ACO2: variants seen among roughly 807,000 people sequenced by gnomAD.
ACO2 encodes the protein aconitase 2, also known as aconitate hydratase, mitochondrial.
ACO2 carries 31 observed loss-of-function variants against 84.5 expected under a neutral mutation model. The ratio of observed to expected loss-of-function variants is 0.37; its 90% CI spans 0.28 to 0.50. The LOEUF is 0.50. ACO2 is among the 20% of genes least tolerant of loss of function. ACO2 has a pLI of 0.97. For missense variants in ACO2, 685 were observed against 1,029.3 expected (o/e 0.67, Z 4.58); for synonymous variants, 414 against 412.7 (o/e 1.00, Z -0.04).
At chr22:41,472,253 T>G (rs1351928043) in intron 1 of ACO2, among the ~76,000 whole-genome samples, 2 of 151,136 alleles carry the variant, frequency 1.3e-5, no homozygotes, top group Non-Finnish European at 2.9e-5. Context: ...CTCGGGAGGC[T>G]GAGGCAGAAG....
At position 41,518,412 on chromosome 22, in the gene ACO2, G is replaced by A; in HGVS notation, c.941-69G>A. 3 of 1,218,096 alleles carry A rather than the reference G, an allele frequency of 2.5e-6. No individual in the cohort carries two copies. In the Admixed American group the frequency reaches 5.1e-5, roughly 21 times the overall value. 75.5% of individuals were successfully genotyped at this position (1,218,096 alleles called of 1,614,324 possible). ...CTGGTGTTTGGCAGGTGCTCAGGTG[G>A]GTGGTGAGTGAACTCTCAAGAACAG... On this transcript the variant is annotated intron_variant, in intron 7 of 17. Transcript: ENST00000216254.
chr22:41,469,298 C>T (rs2037909538), intron 1 of ACO2, 116 bp downstream of exon 1: 4 of 1,305,762 alleles, frequency 3.1e-6, no homozygotes, highest in African/African-American at 1.5e-5. Flanking sequence ...TCTCGTGTAC[C>T]TGTCCCGGTT....
Position 41,526,431 on chromosome 22 carries a change from C to G in ACO2, c.1931C>G (p.Pro644Arg). 6.2e-7 allele frequency: 1 copy of G among 1,613,412 alleles called. No individual in the cohort carries two copies. The highest frequency in any genetic ancestry group is 8.5e-7 in the Non-Finnish European group (1 of 1,179,652). The change falls in exon 15 of 18, where the codon CCT becomes CGT. Residue 644 changes from proline to arginine, a missense_variant. Transcript: ENST00000216254. Reference sequence around the variant, plus strand: ...GTCACTCAGGAGTTTGGCCCCGTCCCTGACACTGCCCGCTACTACAAGGTG... The same window carrying G: ...GTCACTCAGGAGTTTGGCCCCGTCCGTGACACTGCCCGCTACTACAAGGTG... ...NAVTQEFGPV[P>R]DTARYYKKHG...
At chr22:41,503,434 G>T (rs1007373475) in intron 2 of ACO2, among the ~76,000 whole-genome samples, 3 of 152,008 alleles carry the variant, frequency 2.0e-5, no homozygotes, top group African/African-American at 7.2e-5. Flanking sequence ...AAGTTCAAGT[G>T]ATTCTCCTGC....
At chr22:41,485,743 C>A (rs56763176) in intron 1 of ACO2, among the ~76,000 whole-genome samples, 2 of 150,900 alleles carry the variant, frequency 1.3e-5, no homozygotes, top group African/African-American at 2.4e-5. Context: ...GCGCTCGGCC[C>A]GCCCGGCTAA....
In ACO2 at chr22:41,476,576, G is replaced by C. The variant is rs772023280; in HGVS notation, c.36+7394G>C. On this transcript the variant is annotated intron_variant, in intron 1 of 17. Coordinates refer to ENST00000216254, the MANE Select transcript of ACO2 (RefSeq NM_001098.3). ...TAGAAAAAAATTAGCTGGGTGTGTG[G>C]GTGGTCGCCTGTAGACCCAGCTACT... 3.0e-4 allele frequency among the ~76,000 whole-genome samples: 46 copies of C among 151,716 alleles called. 2 individuals are homozygous for C. The highest frequency in any genetic ancestry group is 8.8e-5 in the Non-Finnish European group (6 of 67,926).
At chr22:41,489,652 T>G (rs967079963) in intron 1 of ACO2, among the ~76,000 whole-genome samples, 10 of 152,008 alleles carry the variant, frequency 6.6e-5, no homozygotes, top group African/African-American at 2.4e-4. Context: ...AAAGCTTGCT[T>G]AGATGCAGGT....
At chr22:41,475,563 AG>A in intron 1 of ACO2, among the ~76,000 whole-genome samples, 1 of 152,160 alleles carries the variant, frequency 6.6e-6, no homozygotes, top group East Asian at 1.9e-4. Context: ...GCATGAAGGA[AG>A]GAAGGTATTG....
chr22:41,490,675 CA>C, intron 1 of ACO2, among the ~76,000 whole-genome samples: 1 of 152,244 alleles, frequency 6.6e-6, no homozygotes. Flanking sequence ...AATTGTCTTT[CA>C]AAATGTTGAA....
intron 3 of ACO2, among the ~76,000 whole-genome samples, chr22:41,511,576 A>G (rs994046474): frequency 6.6e-5 from 10 of 152,260 alleles, no homozygotes; most frequent in African/African-American, 2.4e-4. Flanking sequence ...TTCTCCAGAT[A>G]AGGAAACTGA....
chr22:41,504,880 T>C (rs2066381734), intron 2 of ACO2, among the ~76,000 whole-genome samples: 1 of 151,840 alleles, frequency 6.6e-6, no homozygotes, highest in Non-Finnish European at 1.5e-5. Context: ...CATGCCACCA[T>C]GCCTGGCTTC....
chr22:41,527,846 T>C (rs2146153155), intron 16 of ACO2, 55 bp from the exon 17 acceptor site: 1 of 1,613,190 alleles, frequency 6.2e-7, no homozygotes, highest in Admixed American at 1.7e-5. Context: ...GTTCAGAAAA[T>C]GAAGCTCTCC....
intron 16 of ACO2, 83 bp downstream of exon 16, chr22:41,527,503 C>T: frequency 1.3e-6 from 2 of 1,531,370 alleles, no homozygotes; most frequent in Non-Finnish European, 1.8e-6. Flanking sequence ...CTGAGTTGGG[C>T]CTGGTTCTAG....
intron 4 of ACO2, among the ~76,000 whole-genome samples, chr22:41,513,823 G>C (rs1380324093): frequency 1.3e-5 from 2 of 152,158 alleles, no homozygotes; most frequent in Admixed American, 1.3e-4. Context: ...ACCCCCATCT[G>C]TCCAGCCACA....
chr22:41,480,768 T>C (rs2038077422), intron 1 of ACO2, among the ~76,000 whole-genome samples: 2 of 152,222 alleles, frequency 1.3e-5, no homozygotes, highest in Admixed American at 1.3e-4. Flanking sequence ...ACTTTTCCTC[T>C]GTATTTACAA....
chr22:41,472,669 T>C (rs1231172013), intron 1 of ACO2, among the ~76,000 whole-genome samples: 1 of 152,278 alleles, frequency 6.6e-6, no homozygotes, highest in Admixed American at 6.5e-5. Context: ...CAGGCTAGTC[T>C]CAAATTCCTG....
At chr22:41,493,218 T>C (rs745505261) in intron 1 of ACO2, among the ~76,000 whole-genome samples, 2 of 152,176 alleles carry the variant, frequency 1.3e-5, no homozygotes, top group Non-Finnish European at 2.9e-5. Flanking sequence ...AGGCCCCACC[T>C]CTCAACACTG....
At position 41,528,645 on chromosome 22, in the gene ACO2, C is replaced by G. The variant is rs750794697; in HGVS notation, c.*32C>G. On this transcript the variant is annotated 3_prime_UTR_variant, in exon 18 of 18. Transcript: ENST00000216254. ...TGCCTCCCCGCCCCGCCGCTGGCGT[C>G]AAGTTCAGCTCCACGTGTGCCATCA... 1 of 1,607,256 alleles carries G rather than the reference C, an allele frequency of 6.2e-7. No individual in the cohort carries two copies. The highest frequency in any genetic ancestry group is 1.7e-5 in the Admixed American group (1 of 59,866).
At chr22:41,513,411 T>C (rs576990496) in intron 4 of ACO2, among the ~76,000 whole-genome samples, 1 of 152,356 alleles carries the variant, frequency 6.6e-6, no homozygotes, top group East Asian at 1.9e-4. Flanking sequence ...CGCCTTGATG[T>C]CACGTCTTCA....
Sources: gnomAD v4.1 joint callset for allele counts (sites outside exome capture counted in the v4.1 genomes callset) on GRCh38, gnomAD v4.1.1 for gene constraint, MANE v1.5 for transcripts, NCBI Gene and HGNC (gene_info 2026-07-23, HGNC 2026-07-21) for gene names.